Variants in LINGO2 observed in about 807,000 individuals in gnomAD.
LINGO2 encodes the protein leucine rich repeat and Ig domain containing 2.
In LINGO2, 14 loss-of-function variants were observed where a neutral mutation model predicts 30.6. The ratio of observed to expected loss-of-function variants is 0.46; its 90% CI spans 0.30 to 0.72. The LOEUF (loss-of-function observed/expected upper bound fraction) is 0.72. LINGO2 is among the 30% of genes least tolerant of loss of function. The pLI is 0.07. For synonymous variants in LINGO2, 317 were observed against 288.5 expected (o/e 1.10, Z -1.00); for missense variants, 729 against 751.7 (o/e 0.97, Z 0.35).
intron 1 of LINGO2, among the ~76,000 whole-genome samples, chr9:28,587,478 G>A (rs553228610): frequency 2.6e-5 from 4 of 151,980 alleles, no homozygotes; most frequent in African/African-American, 9.6e-5. Context: ...TCTCAGCTCC[G>A]GAGAATCTCA....
intron 2 of LINGO2, among the ~76,000 whole-genome samples, chr9:28,452,845 T>G (rs1265446266): frequency 2.0e-5 from 3 of 151,756 alleles, no homozygotes; most frequent in Admixed American, 6.6e-5. Flanking sequence ...TGAAATGTAC[T>G]GAGTTGAAGG....
chr9:28,576,956 G>A (rs1258804788), intron 1 of LINGO2, among the ~76,000 whole-genome samples: 1 of 152,124 alleles, frequency 6.6e-6, no homozygotes, highest in African/African-American at 2.4e-5. Flanking sequence ...AATTGTAACA[G>A]TGAGAAAATT....
intron 1 of LINGO2, among the ~76,000 whole-genome samples, chr9:28,608,026 C>A (rs1178095781): frequency 6.6e-6 from 1 of 151,778 alleles, no homozygotes; most frequent in Non-Finnish European, 1.5e-5. Flanking sequence ...CATATGTTTC[C>A]AATTTATGAT....
At chr9:28,523,771 A>G (rs1476841202) in intron 1 of LINGO2, among the ~76,000 whole-genome samples, 2 of 152,212 alleles carry the variant, frequency 1.3e-5, no homozygotes, top group Non-Finnish European at 1.5e-5. Context: ...GAAAGAAATT[A>G]AAGAAGATCT....
chr9:29,139,767 G>A, the LINGO2 span, among the ~76,000 whole-genome samples: 1 of 152,116 alleles, frequency 6.6e-6, no homozygotes, highest in African/African-American at 2.4e-5. Context: ...GCTTCTATGT[G>A]AGGAGGGAAA....
the LINGO2 span, among the ~76,000 whole-genome samples, chr9:28,882,550 G>A: frequency 6.6e-6 from 1 of 152,104 alleles, no homozygotes; most frequent in East Asian, 1.9e-4. Flanking sequence ...AACCAAGTTA[G>A]CAAATATTCA....
the LINGO2 span, among the ~76,000 whole-genome samples, chr9:29,021,666 A>C: frequency 6.7e-6 from 1 of 148,506 alleles, no homozygotes; most frequent in East Asian, 2.0e-4. Context: ...CAAAAAAAGA[A>C]AGAAGAAAGA....
chr9:28,848,260 A>G, the LINGO2 span, among the ~76,000 whole-genome samples: 1 of 96,136 alleles, frequency 1.0e-5, no homozygotes, highest in Non-Finnish European at 1.9e-5. Flanking sequence ...ACGCATATAT[A>G]GTGTATATAT....
chr9:28,270,484 T>C lies in LINGO2; in HGVS notation c.-87+24724A>G, dbSNP rs548397087. ...CTCCCTAAAGTATGCATATCCCCAA[T>C]GCGACCACCAGGCCATGCCTCAAAA... On this transcript the variant is annotated intron_variant, in intron 4 of 5. Transcript: ENST00000379992. 2.0e-5 allele frequency among the ~76,000 whole-genome samples: 3 copies of C among 151,874 alleles called. No homozygotes were observed. The East Asian group carries it at 5.8e-4, about 30-fold the overall frequency.
chr9:28,917,507 C>A, the LINGO2 span, among the ~76,000 whole-genome samples: 1 of 151,620 alleles, frequency 6.6e-6, no homozygotes, highest in East Asian at 1.9e-4. Context: ...GGCTGGAGTG[C>A]AGTTGTGGGA....
chr9:28,333,206 T>C (rs1825482553), intron 3 of LINGO2, among the ~76,000 whole-genome samples: 1 of 152,202 alleles, frequency 6.6e-6, no homozygotes. Flanking sequence ...CTTTGTGTTT[T>C]AACAATTGAA....
chr9:28,558,617 A>G (rs78033772), intron 1 of LINGO2, among the ~76,000 whole-genome samples: 2,052 of 152,194 alleles, frequency 0.013, 45 homozygotes, highest in East Asian at 0.096. Flanking sequence ...ATTTAGCCAT[A>G]ATTTCATCTC....
chr9:28,910,534 G>C, the LINGO2 span, among the ~76,000 whole-genome samples: 1 of 152,028 alleles, frequency 6.6e-6, no homozygotes, highest in African/African-American at 2.4e-5. Flanking sequence ...GGTGGGAGGT[G>C]ATTAAATCAT....
At chr9:28,518,536 G>C (rs1046141626) in intron 1 of LINGO2, among the ~76,000 whole-genome samples, 1 of 152,090 alleles carries the variant, frequency 6.6e-6, no homozygotes, top group Non-Finnish European at 1.5e-5. Context: ...TAAAACAGGA[G>C]ATAAAAATGT....
At chr9:29,173,757 A>C in the LINGO2 span, among the ~76,000 whole-genome samples, 1 of 152,122 alleles carries the variant, frequency 6.6e-6, no homozygotes, top group Non-Finnish European at 1.5e-5. Context: ...ACATAGATAA[A>C]CCAGAAAGGG....
chr9:28,315,459 G>A (rs761104782), intron 3 of LINGO2, among the ~76,000 whole-genome samples: 7 of 151,416 alleles, frequency 4.6e-5, no homozygotes, highest in African/African-American at 9.7e-5. Context: ...ACTTTCCATA[G>A]GACAAATATT....
chr9:28,980,945 G>A, the LINGO2 span, among the ~76,000 whole-genome samples: 3 of 152,078 alleles, frequency 2.0e-5, no homozygotes, highest in African/African-American at 4.8e-5. Context: ...TATACTGGAT[G>A]ATCAATAGAT....
the LINGO2 span, among the ~76,000 whole-genome samples, chr9:28,756,550 G>C: frequency 1.3e-5 from 2 of 151,946 alleles, no homozygotes; most frequent in Non-Finnish European, 2.9e-5. Flanking sequence ...GGGGCAGAAT[G>C]ATATTGTTTG....
rs567657893 is a variant in LINGO2, at chr9:28,318,332, CTATTTA to C, written c.-245-22972_-245-22967del. Among the ~76,000 whole-genome samples the C allele has an allele frequency of 3.4e-3, 513 of 152,228 alleles. 1 individual carries two copies. The highest frequency in any genetic ancestry group is 6.0e-3 in the Non-Finnish European group (406 of 68,012). Reference sequence around the variant, plus strand: ...TGAACATCAAATTATACACATATTTCTATTTATATCATTGATTTATTCATAAGCATA... The same window carrying C: ...TGAACATCAAATTATACACATATTTCTATCATTGATTTATTCATAAGCATA... On this transcript the variant is annotated intron_variant, in intron 3 of 5. Transcript: ENST00000379992.
Sources: gnomAD v4.1 joint callset for allele counts (sites outside exome capture counted in the v4.1 genomes callset) on GRCh38, gnomAD v4.1.1 for gene constraint, MANE v1.5 for transcripts, NCBI Gene and HGNC (gene_info 2026-07-23, HGNC 2026-07-21) for gene names.